ADGRA3: variants seen among roughly 807,000 people sequenced by gnomAD.
ADGRA3 encodes G-protein coupled receptor 125.
In ADGRA3, 56 loss-of-function variants were observed where a neutral mutation model predicts 119.8. The observed-to-expected ratio is 0.47, with a 90% CI of 0.38 to 0.58. The LOEUF (loss-of-function observed/expected upper bound fraction) is 0.58, where lower values mean the gene tolerates loss of function less well. Among genes scored for constraint, ADGRA3 ranks in the 20% least tolerant of loss-of-function variants. The probability of loss-of-function intolerance (pLI) is 0.00; values close to 1 mark genes in which losing one functional copy is unlikely to be tolerated. For synonymous variants in ADGRA3, 607 were observed against 623.8 expected (o/e 0.97, Z 0.40); for missense variants, 1,516 against 1,649.0 (o/e 0.92, Z 1.40).
intron 1 of ADGRA3, among the ~76,000 whole-genome samples, chr4:22,474,112 C>T (rs900691226): frequency 2.0e-5 from 3 of 152,092 alleles, no homozygotes; most frequent in African/African-American, 7.2e-5. Context: ...TGTAATAGCT[C>T]TAAGTTCAAC....
Position 22,413,075 on chromosome 4 carries a change from T to TAAAAAAA in ADGRA3, c.2232+100_2232+106dup, listed in dbSNP as rs74406494. On this transcript the variant is annotated intron_variant, in intron 14 of 18. Coordinates refer to ENST00000334304, the MANE Select transcript of ADGRA3 (RefSeq NM_145290.4). Reference sequence around the variant, plus strand: ...CAAAGGGAGCAAATTATGTTAAAAGTAAAAAAAAAAAAAAAACAAAAAACA... The same window carrying TAAAAAAA: ...CAAAGGGAGCAAATTATGTTAAAAGTAAAAAAAAAAAAAAAAAAAAAAACAAAAAACA... The TAAAAAAA allele has an allele frequency of 2.4e-4, 178 of 727,642 alleles. 3 individuals carry two copies. Among genetic ancestry groups the TAAAAAAA allele is most frequent in the African/African-American group, 9.4e-4 (44 of 46,758 alleles). 45.1% of individuals were successfully genotyped at this position (727,642 alleles called of 1,614,324 possible).
chr4:22,442,102 C>T (rs187659801), intron 7 of ADGRA3, among the ~76,000 whole-genome samples: 145 of 152,104 alleles, frequency 9.5e-4, no homozygotes, highest in Admixed American at 3.6e-3. Context: ...AAAAATTTTA[C>T]CAAAGTAAAA....
chr4:22,412,604 AGAGAT>A (rs1715252011), intron 14 of ADGRA3, among the ~76,000 whole-genome samples: 1 of 152,232 alleles, frequency 6.6e-6, no homozygotes, highest in Non-Finnish European at 1.5e-5. Flanking sequence ...ATCTCAGATA[AGAGAT>A]AAGACTCAAC....
Position 22,442,585 on chromosome 4 carries a change from C to G in ADGRA3, c.920+65G>C, listed in dbSNP as rs1041620077. On this transcript the variant is annotated intron_variant, in intron 7 of 18. Transcript: ENST00000334304. The stretch of plus-strand genomic sequence containing the variant: ...AATTCAAATTCCACTAAACATTACA[C>G]CTCCAAAAGGATAAATAAAATACAC... The G allele has an allele frequency of 6.2e-6, 7 of 1,126,182 alleles. No homozygotes were observed. In the Admixed American group the frequency reaches 1.2e-4, roughly 20 times the overall value. 69.8% of individuals were successfully genotyped at this position (1,126,182 alleles called of 1,614,324 possible). A position where few individuals can be genotyped will look rare whatever the true frequency, so the allele number is the denominator to read the frequency against.
intron 1 of ADGRA3, among the ~76,000 whole-genome samples, chr4:22,474,702 C>T (rs982093260): frequency 6.6e-6 from 1 of 152,142 alleles, no homozygotes. Context: ...ATTACACTAG[C>T]CAATGGCAGA....
At chr4:22,505,317 C>T (rs1241808255) in intron 1 of ADGRA3, among the ~76,000 whole-genome samples, 4 of 152,114 alleles carry the variant, frequency 2.6e-5, no homozygotes, top group Non-Finnish European at 4.4e-5. Flanking sequence ...TTCTTAAAAC[C>T]GTCTTGCAAA....
At chr4:22,422,835 T>C (rs769509069) in intron 11 of ADGRA3, among the ~76,000 whole-genome samples, 1 of 152,110 alleles carries the variant, frequency 6.6e-6, no homozygotes, top group Non-Finnish European at 1.5e-5. Flanking sequence ...TGGACATAAA[T>C]ATGACAAGCT....
At chr4:22,511,369 CA>C (rs745624535) in intron 1 of ADGRA3, among the ~76,000 whole-genome samples, 1 of 152,104 alleles carries the variant, frequency 6.6e-6, no homozygotes, top group East Asian at 1.9e-4. Flanking sequence ...TCCCTCAATA[CA>C]AAAGTCTACC....
chr4:22,475,814 C>G (rs7679069), intron 1 of ADGRA3, among the ~76,000 whole-genome samples: 14,453 of 152,034 alleles, frequency 0.095, 785 homozygotes, highest in African/African-American at 0.12. Flanking sequence ...TAAGACTACA[C>G]ACTGGGTGCA....
In ADGRA3 at chr4:22,480,404, A is replaced by G. The variant is rs1718225583; in HGVS notation, c.258-6561T>C. On this transcript the variant is annotated intron_variant, in intron 1 of 18. Transcript: ENST00000334304. ...ATCAGTACAATCAGCTGGGCATGGT[A>G]GCTTAACTCCCGTAGTCCCAGCTAC... Among the ~76,000 whole-genome samples the G allele has an allele frequency of 3.9e-5, 6 of 152,096 alleles. No homozygotes were observed. In the South Asian group the frequency reaches 1.2e-3, roughly 32 times the overall value.
chr4:22,450,358 C>G (rs978688138), intron 4 of ADGRA3, among the ~76,000 whole-genome samples: 12 of 151,860 alleles, frequency 7.9e-5, no homozygotes, highest in Non-Finnish European at 1.8e-4. Context: ...CTCTGCCTCC[C>G]AGGTTCAAGT....
chr4:22,419,967 A>C (rs1715585317), intron 12 of ADGRA3: 1 of 152,582 alleles, frequency 6.6e-6, no homozygotes. Context: ...GGCAGTTGGG[A>C]TTTTCTAAAT....
intron 16 of ADGRA3, among the ~76,000 whole-genome samples, chr4:22,396,384 A>G (rs542245687): frequency 6.6e-6 from 1 of 152,318 alleles, no homozygotes; most frequent in Admixed American, 6.5e-5. Context: ...GGGAATAATA[A>G]AGACAAACTG....
In ADGRA3 at chr4:22,437,327, T is replaced by C. The variant is rs73800956; in HGVS notation, c.1086-686A>G. On this transcript the variant is annotated intron_variant, in intron 8 of 18. Coordinates refer to ENST00000334304, the MANE Select transcript of ADGRA3 (RefSeq NM_145290.4). ...AATGGCAAACTAGCTGAGATAAAGATGTTATTATTGCTTCTTTACTTTGGA... is the reference window on the plus strand; with the variant it reads ...AATGGCAAACTAGCTGAGATAAAGACGTTATTATTGCTTCTTTACTTTGGA... 8.1e-3 allele frequency among the ~76,000 whole-genome samples: 1,235 copies of C among 152,312 alleles called. 9 individuals are homozygous for C. Among genetic ancestry groups the C allele is most frequent in the African/African-American group, 0.027 (1,105 of 41,562 alleles).
intron 17 of ADGRA3, among the ~76,000 whole-genome samples, chr4:22,390,355 T>C: frequency 1.0e-5 from 1 of 99,934 alleles, no homozygotes; most frequent in East Asian, 2.8e-4. Context: ...ATATTATATA[T>C]ATATAATACG....
chr4:22,427,013 T>A (rs1282864892), intron 10 of ADGRA3, among the ~76,000 whole-genome samples: 5 of 152,202 alleles, frequency 3.3e-5, no homozygotes, highest in African/African-American at 1.2e-4. Context: ...GCTAAACTAG[T>A]AAGTCCAAAG....
At chr4:22,512,010 C>A (rs1036620145) in intron 1 of ADGRA3, among the ~76,000 whole-genome samples, 5 of 150,222 alleles carry the variant, frequency 3.3e-5, no homozygotes, top group African/African-American at 1.2e-4. Flanking sequence ...GATTCTCCTG[C>A]CTGCCTCAGT....
At chr4:22,499,888 T>C (rs1718989128) in intron 1 of ADGRA3, among the ~76,000 whole-genome samples, 1 of 152,214 alleles carries the variant, frequency 6.6e-6, no homozygotes, top group Admixed American at 6.5e-5. Context: ...ACAGGTTGCA[T>C]AGCCCTCATT....
rs111989826 is a variant in ADGRA3 at position 22,463,579 on chromosome 4, C to A, written c.330-1771G>T. ...TCTGGCTGCAATGAGCACAGATTCACGTGTTTTCTTCCATCCAATCACAGG... is the reference window on the plus strand; with the variant it reads ...TCTGGCTGCAATGAGCACAGATTCAAGTGTTTTCTTCCATCCAATCACAGG... On this transcript the variant is annotated intron_variant, in intron 2 of 18. Coordinates refer to ENST00000334304, the MANE Select transcript of ADGRA3 (RefSeq NM_145290.4). Among the ~76,000 whole-genome samples the A allele has an allele frequency of 2.8e-3, 421 of 152,336 alleles. 4 individuals are homozygous for A. Among genetic ancestry groups the A allele is most frequent in the African/African-American group, 9.8e-3 (409 of 41,576 alleles).
Sources: allele counts gnomAD v4.1 joint callset (sites outside exome capture counted in the v4.1 genomes callset), GRCh38; gene constraint gnomAD v4.1.1; transcripts MANE v1.5; gene names NCBI Gene and HGNC (gene_info 2026-07-23, HGNC 2026-07-21).